Variants in PRKN observed in about 807,000 individuals in gnomAD.
PRKN encodes the protein E3 ubiquitin-protein ligase parkin.
A neutral mutation model predicts 59.5 loss-of-function variants in PRKN; 56 were observed. The ratio of observed to expected loss-of-function variants is 0.94; its 90% CI spans 0.76 to 1.18. PRKN has a LOEUF of 1.18. PRKN is among the 50% of genes most tolerant of loss of function. PRKN has a pLI of 0.00. For missense variants in PRKN, 657 were observed against 596.4 expected, an observed-to-expected ratio of 1.10 and a Z score of -1.06; for synonymous variants, 250 against 222.1, an observed-to-expected ratio of 1.13 and a Z score of -1.12.
chr6:162,179,671 C>A (rs767262113), intron 4 of PRKN, among the ~76,000 whole-genome samples: 4 of 151,956 alleles, frequency 2.6e-5, no homozygotes, highest in African/African-American at 9.7e-5. Flanking sequence ...AGGTTTATGC[C>A]CCTTACTATA....
chr6:161,859,523 A>G (rs1793802390), intron 6 of PRKN, among the ~76,000 whole-genome samples: 1 of 147,600 alleles, frequency 6.8e-6, no homozygotes, highest in South Asian at 2.2e-4. Flanking sequence ...TGGCAGAAGA[A>G]TTGCTTGAAT....
At chr6:162,508,975 C>A (rs1793726555) in intron 1 of PRKN, among the ~76,000 whole-genome samples, 1 of 152,172 alleles carries the variant, frequency 6.6e-6, no homozygotes, top group Non-Finnish European at 1.5e-5. Context: ...ATGCTCAGAT[C>A]TTCTCATGAG....
chr6:162,433,516 T>C (rs1789633110), intron 2 of PRKN, among the ~76,000 whole-genome samples: 1 of 152,044 alleles, frequency 6.6e-6, no homozygotes, highest in Non-Finnish European at 1.5e-5. Flanking sequence ...AAAAAACATA[T>C]AAAAAGTTTT....
At chr6:161,432,394 C>T (rs1362253081) in intron 9 of PRKN, among the ~76,000 whole-genome samples, 1 of 130,826 alleles carries the variant, frequency 7.6e-6, no homozygotes, top group Non-Finnish European at 1.6e-5. Context: ...CGAAGTCTCA[C>T]TCTTGTCATC....
At chr6:162,656,768 C>G (rs1778659776) in intron 1 of PRKN, among the ~76,000 whole-genome samples, 1 of 152,162 alleles carries the variant, frequency 6.6e-6, no homozygotes, top group South Asian at 2.1e-4. Flanking sequence ...AGACCTTTAT[C>G]CTTAACAAGA....
intron 7 of PRKN, among the ~76,000 whole-genome samples, chr6:161,597,894 C>T (rs2128142625): frequency 6.6e-6 from 1 of 152,266 alleles, no homozygotes; most frequent in African/African-American, 2.4e-5. Context: ...TGTGCGTACA[C>T]ACAGTTAGGG....
intron 5 of PRKN, among the ~76,000 whole-genome samples, chr6:162,015,678 T>A (rs1782909712): frequency 6.6e-6 from 1 of 152,160 alleles, no homozygotes; most frequent in Non-Finnish European, 1.5e-5. Flanking sequence ...CTCTATAGCA[T>A]TCCAGCTAGA....
intron 5 of PRKN, among the ~76,000 whole-genome samples, chr6:161,994,628 A>G (rs781766017): frequency 6.6e-6 from 1 of 152,176 alleles, no homozygotes; most frequent in Non-Finnish European, 1.5e-5. Context: ...TGGAGGACAC[A>G]AAATCAACAT....
At chr6:162,269,455 T>G (rs925202270) in intron 2 of PRKN, among the ~76,000 whole-genome samples, 10 of 152,150 alleles carry the variant, frequency 6.6e-5, no homozygotes, top group African/African-American at 2.4e-4. Context: ...GCAGCCTCAG[T>G]TTTCTGGCTC....
intron 1 of PRKN, among the ~76,000 whole-genome samples, chr6:162,658,688 A>G (rs952317709): frequency 1.3e-5 from 2 of 150,482 alleles, no homozygotes; most frequent in African/African-American, 4.9e-5. Context: ...AAAAAAAGAA[A>G]AAAGAAAAAG....
intron 3 of PRKN, among the ~76,000 whole-genome samples, chr6:162,216,547 A>AC (rs1777673308): frequency 6.7e-6 from 1 of 149,986 alleles, no homozygotes; most frequent in African/African-American, 2.5e-5. Flanking sequence ...AAAAAAAAAA[A>AC]AAAAAAAAAA....
rs543952518 is a variant in PRKN, at chr6:161,483,004, G to A, written c.1083+65850C>T. ...TTCACTAAATTTAATCACGAAGTCT[G>A]GCAGTACAGAATTCTTCCTTCTCCC... On this transcript the variant is annotated intron_variant, in intron 9 of 11. Coordinates refer to ENST00000366898, the MANE Select transcript of PRKN (RefSeq NM_004562.3). The surrounding 1 kb of genome is among the most constrained non-coding windows in gnomAD (Gnocchi z 5.0). Among the ~76,000 whole-genome samples, 4 of 152,182 alleles carry A rather than the reference G, an allele frequency of 2.6e-5. No homozygotes were observed. In the South Asian group the frequency reaches 8.3e-4, roughly 32 times the overall value.
intron 6 of PRKN, among the ~76,000 whole-genome samples, chr6:161,843,319 T>C (rs1040671970): frequency 2.0e-5 from 3 of 152,342 alleles, no homozygotes; most frequent in Non-Finnish European, 2.9e-5. Flanking sequence ...TCCTTCTCCA[T>C]CTTCTCTGAG....
At chr6:162,693,055 A>G in intron 1 of PRKN, among the ~76,000 whole-genome samples, 1 of 152,220 alleles carries the variant, frequency 6.6e-6, no homozygotes, top group East Asian at 1.9e-4. Flanking sequence ...TTGCTGTAGA[A>G]TGTAAAAAGC....
intron 1 of PRKN, among the ~76,000 whole-genome samples, chr6:162,449,937 T>G (rs1360924314): frequency 6.6e-6 from 1 of 152,040 alleles, no homozygotes; most frequent in Non-Finnish European, 1.5e-5. Context: ...GTAAAGGGAG[T>G]GCCCATTCTC....
chr6:162,298,887 C>G (rs1031137547), intron 2 of PRKN, among the ~76,000 whole-genome samples: 3 of 152,102 alleles, frequency 2.0e-5, no homozygotes, highest in African/African-American at 7.2e-5. Flanking sequence ...GGTGCTGCCC[C>G]GCCATGTGCC....
At chr6:162,017,546 C>T (rs995532711) in intron 5 of PRKN, among the ~76,000 whole-genome samples, 1 of 152,062 alleles carries the variant, frequency 6.6e-6, no homozygotes, top group Non-Finnish European at 1.5e-5. Flanking sequence ...AAATTTTAAC[C>T]ATTGTAACTA....
At chr6:162,188,102 T>C (rs895638324) in intron 4 of PRKN, among the ~76,000 whole-genome samples, 4 of 152,162 alleles carry the variant, frequency 2.6e-5, no homozygotes, top group African/African-American at 7.2e-5. Flanking sequence ...CCACCATCCA[T>C]GTAAGACATG....
At chr6:162,065,414 T>C (rs1166480553) in intron 4 of PRKN, among the ~76,000 whole-genome samples, 1 of 152,188 alleles carries the variant, frequency 6.6e-6, no homozygotes, top group African/African-American at 2.4e-5. Context: ...GTTTGCTTTG[T>C]TCTAGCCATG....
Sources: allele counts gnomAD v4.1 joint callset (sites outside exome capture counted in the v4.1 genomes callset), GRCh38; gene constraint gnomAD v4.1.1; non-coding constraint Gnocchi (gnomAD v3.1); transcripts MANE v1.5; gene names NCBI Gene and HGNC (gene_info 2026-07-23, HGNC 2026-07-21).